Variants in CHRDL1 observed in about 807,000 individuals in gnomAD.
The protein encoded by CHRDL1 is chordin-like protein 1.
CHRDL1 carries 19 observed loss-of-function variants against 40.9 expected under a neutral mutation model. The ratio of observed to expected loss-of-function variants is 0.46; its 90% CI spans 0.32 to 0.68. CHRDL1 has a LOEUF of 0.68. Ranked by LOEUF, CHRDL1 falls within the 30% of genes least tolerant of loss-of-function variation. The pLI, the probability that CHRDL1 is intolerant of heterozygous loss-of-function variation, is 0.03. For missense variants in CHRDL1, 329 were observed against 352.1 expected (o/e 0.93, Z 0.53); for synonymous variants, 136 against 123.4 (o/e 1.10, Z -0.68).
chrX:110,682,959 G>A (rs188693449), intron 9 of CHRDL1, among the ~76,000 whole-genome samples: 65 of 111,985 alleles, frequency 5.8e-4, no homozygotes, highest in Non-Finnish European at 1.1e-3. Context: ...TTGGAGAGAG[G>A]GAAGAGGTCA....
chrX:110,682,898 C>CT (rs1466433820), intron 9 of CHRDL1, among the ~76,000 whole-genome samples: 2 of 111,866 alleles, frequency 1.8e-5, no homozygotes, highest in Non-Finnish European at 3.8e-5. Flanking sequence ...GTGGGCCAGT[C>CT]TTTTTGGTGA....
rs2070471211 is a variant in CHRDL1 at position 110,699,656 on chromosome X, A to G, written c.609+998T>C. On this transcript the variant is annotated intron_variant, in intron 7 of 11. Transcript: ENST00000372042. ...TATATGCATTTATATACATGCACATACAATTTTTACATAAAGAAGTGATAG... is the reference window on the plus strand; with the variant it reads ...TATATGCATTTATATACATGCACATGCAATTTTTACATAAAGAAGTGATAG... Among the ~76,000 whole-genome samples the G allele has an allele frequency of 2.7e-5, 3 of 112,221 alleles. No homozygotes were observed. The South Asian group carries it at 1.1e-3, about 41-fold the overall frequency.
intron 6 of CHRDL1, among the ~76,000 whole-genome samples, chrX:110,706,140 TA>T (rs2070634140): frequency 9.0e-6 from 1 of 110,978 alleles, no homozygotes; most frequent in Non-Finnish European, 1.9e-5. Flanking sequence ...TGAAAAAAAG[TA>T]GGCACCAATA....
intron 4 of CHRDL1, among the ~76,000 whole-genome samples, chrX:110,733,133 C>A (rs2071197393): frequency 8.9e-6 from 1 of 111,967 alleles, no homozygotes; most frequent in Admixed American, 9.4e-5. Context: ...AGAGTTACTA[C>A]ATCCCATAGA....
intron 6 of CHRDL1, among the ~76,000 whole-genome samples, chrX:110,701,086 A>G (rs1375957175): frequency 3.6e-5 from 4 of 112,164 alleles, no homozygotes; most frequent in Non-Finnish European, 7.5e-5. Flanking sequence ...TTAAACTACC[A>G]TTAAAATAAT....
intron 4 of CHRDL1, among the ~76,000 whole-genome samples, chrX:110,735,000 G>A (rs2071238212): frequency 9.1e-6 from 1 of 109,961 alleles, no homozygotes; most frequent in African/African-American, 3.4e-5. Flanking sequence ...ACTATTACTT[G>A]GTTAGTTCTA....
intron 2 of CHRDL1, among the ~76,000 whole-genome samples, chrX:110,780,887 G>T (rs1263564959): frequency 9.0e-6 from 1 of 110,911 alleles, no homozygotes; most frequent in East Asian, 2.8e-4. Context: ...CGTCAACATT[G>T]TTATATTAAT....
At chrX:110,772,292 T>C (rs1474171846) in intron 2 of CHRDL1, among the ~76,000 whole-genome samples, 1 of 112,501 alleles carries the variant, frequency 8.9e-6, no homozygotes, top group Non-Finnish European at 1.9e-5. Context: ...GCAAAGAAAG[T>C]AGAATAGCCA....
In CHRDL1 at chrX:110,699,066, C is replaced by G. The variant is rs112737142; in HGVS notation, c.609+1588G>C. 8.4e-3 allele frequency among the ~76,000 whole-genome samples: 946 copies of G among 112,143 alleles called. 9 individuals are homozygous for G. Among genetic ancestry groups the G allele is most frequent in the African/African-American group, 0.029 (904 of 30,846 alleles). On this transcript the variant is annotated intron_variant, in intron 7 of 11. Coordinates refer to ENST00000372042, the MANE Select transcript of CHRDL1 (RefSeq NM_001143981.2). The stretch of plus-strand genomic sequence containing the variant: ...TTTCCTCAGGGTTTATATTAACCAG[C>G]AAACAGGGAAGCCTACCCTCTCTTG...
chrX:110,752,258 CA>C (rs2089372785), intron 4 of CHRDL1, among the ~76,000 whole-genome samples: 1 of 112,081 alleles, frequency 8.9e-6, no homozygotes, highest in African/African-American at 3.2e-5. Flanking sequence ...TAAATAGAGA[CA>C]GAGTTTCACC....
At chrX:110,712,467 A>G (rs865831432) in intron 6 of CHRDL1, among the ~76,000 whole-genome samples, 1 of 111,845 alleles carries the variant, frequency 8.9e-6, no homozygotes, top group Non-Finnish European at 1.9e-5. Flanking sequence ...ATGAGGCTGG[A>G]AAGTAGGTTA....
chrX:110,677,024 T>A (rs372518045), intron 11 of CHRDL1, among the ~76,000 whole-genome samples: 1 of 110,929 alleles, frequency 9.0e-6, no homozygotes, highest in Admixed American at 9.7e-5. Context: ...AGCCCTTCCA[T>A]CCCCTGTTGT....
chrX:110,775,012 C>T (rs1450978415), intron 2 of CHRDL1, among the ~76,000 whole-genome samples: 1 of 111,761 alleles, frequency 8.9e-6, no homozygotes, highest in Non-Finnish European at 1.9e-5. Flanking sequence ...CTGTGACTTC[C>T]ACAGACCATA....
chrX:110,780,730 T>G (rs1049178361), intron 2 of CHRDL1, among the ~76,000 whole-genome samples: 1 of 111,850 alleles, frequency 8.9e-6, no homozygotes, highest in Non-Finnish European at 1.9e-5. Flanking sequence ...TGAGTGAGAA[T>G]GCCCAGCAAT....
intron 3 of CHRDL1, among the ~76,000 whole-genome samples, chrX:110,760,344 A>G (rs1038052244): frequency 8.9e-6 from 1 of 112,281 alleles, no homozygotes; most frequent in African/African-American, 3.2e-5. Flanking sequence ...TCCCTGCCTG[A>G]TTTACAATTA....
intron 8 of CHRDL1, among the ~76,000 whole-genome samples, chrX:110,693,874 A>G (rs1192949028): frequency 9.0e-6 from 1 of 111,607 alleles, no homozygotes; most frequent in Admixed American, 9.5e-5. Flanking sequence ...TCATTCTGTT[A>G]AAGACCCAAG....
At chrX:110,743,686 A>G in intron 4 of CHRDL1, among the ~76,000 whole-genome samples, 1 of 111,980 alleles carries the variant, frequency 8.9e-6, no homozygotes, top group Middle Eastern at 4.6e-3. Context: ...ATCCAATGTA[A>G]TCCCAAAGAC....
At chrX:110,692,225 T>G (rs1325463639) in intron 8 of CHRDL1, among the ~76,000 whole-genome samples, 1 of 111,605 alleles carries the variant, frequency 9.0e-6, no homozygotes, top group African/African-American at 3.3e-5. Context: ...CTAGACTGGA[T>G]GAGACTCTGC....
intron 4 of CHRDL1, 25 bp from the exon 5 acceptor site, chrX:110,721,555 C>A: frequency 8.5e-7 from 1 of 1,173,095 alleles, no homozygotes; most frequent in Non-Finnish European, 1.2e-6. Context: ...AGAAAAACCA[C>A]ACTGAGTATT....
Sources: gnomAD v4.1 joint callset for allele counts (sites outside exome capture counted in the v4.1 genomes callset) on GRCh38, gnomAD v4.1.1 for gene constraint, MANE v1.5 for transcripts, NCBI Gene and HGNC (gene_info 2026-07-23, HGNC 2026-07-21) for gene names.